The following ZNF676 variants were observed in gnomAD, a reference collection of about 807,000 sequenced individuals.
ZNF676 encodes zinc finger protein 676.
ZNF676 carries 4 observed loss-of-function variants against 6.0 expected under a neutral mutation model. That is an observed-to-expected ratio of 0.67 (90% CI 0.33 to 1.53). ZNF676 has a LOEUF of 1.53. ZNF676 is among the 40% of genes most tolerant of loss of function. The probability of loss-of-function intolerance (pLI) is 0.06; values close to 1 mark genes in which losing one functional copy is unlikely to be tolerated. For synonymous variants in ZNF676, 198 were observed against 223.1 expected (o/e 0.89, Z 1.00); for missense variants, 644 against 679.7 (o/e 0.95, Z 0.58).
chr19:22,235,121 C>A, the ZNF676 span, among the ~76,000 whole-genome samples: 880 of 131,718 alleles, frequency 6.7e-3, 4 homozygotes, highest in African/African-American at 0.021. Context: ...GGCAGGAAGG[C>A]AGGAAGGAAG....
At chr19:22,194,024 G>A (rs1481523780) in intron 1 of ZNF676, among the ~76,000 whole-genome samples, 2 of 152,136 alleles carry the variant, frequency 1.3e-5, no homozygotes, top group Non-Finnish European at 2.9e-5. Flanking sequence ...ATCAGGCTAG[G>A]TAGAATCACA....
At position 22,194,556 on chromosome 19, in the gene ZNF676, G is replaced by T. The variant is rs189946934; in HGVS notation, c.35-1445C>A. On this transcript the variant is annotated intron_variant, in intron 1 of 2. Transcript: ENST00000397121. ...AAAACTGGACATTTCAAAAAGGAAT[G>T]CCACCAGATCTCAGGACAGAAAGGA... is the stretch of plus-strand genomic sequence containing the variant. 2.3e-4 allele frequency among the ~76,000 whole-genome samples: 35 copies of T among 152,244 alleles called. No homozygotes were observed. The East Asian group carries it at 6.6e-3, about 29-fold the overall frequency.
At chr19:22,215,394 G>T (rs2024174144) in intron 1 of ZNF676, among the ~76,000 whole-genome samples, 1 of 152,170 alleles carries the variant, frequency 6.6e-6, no homozygotes, top group African/African-American at 2.4e-5. Context: ...CGCGCTGAGG[G>T]TGCAGAGCTG....
At chr19:22,247,060 G>A in the ZNF676 span, among the ~76,000 whole-genome samples, 1 of 152,146 alleles carries the variant, frequency 6.6e-6, no homozygotes, top group Admixed American at 6.5e-5. Flanking sequence ...ACTATACTGA[G>A]GAGAAAACTG....
chr19:22,208,101 CTAAA>C (rs1316655258), intron 1 of ZNF676, among the ~76,000 whole-genome samples: 1 of 150,958 alleles, frequency 6.6e-6, no homozygotes. Flanking sequence ...CAAATGGGAC[CTAAA>C]TAAACTAATG....
At chr19:22,196,530 T>C (rs1019449360) in intron 1 of ZNF676, 70 bp downstream of exon 1, 311 of 1,611,564 alleles carry the variant, frequency 1.9e-4, no homozygotes, top group Non-Finnish European at 2.5e-4. Context: ...CTTTGTTCAG[T>C]CCAATAAGGT....
chr19:22,202,778 C>A (rs2024038838), intron 1 of ZNF676, among the ~76,000 whole-genome samples: 1 of 152,152 alleles, frequency 6.6e-6, no homozygotes, highest in South Asian at 2.1e-4. Context: ...GAAGGCCATC[C>A]CTGTATGCTA....
chr19:22,214,822 GA>G (rs2024166431), intron 1 of ZNF676, among the ~76,000 whole-genome samples: 1 of 151,514 alleles, frequency 6.6e-6, no homozygotes, highest in Non-Finnish European at 1.5e-5. Flanking sequence ...GGTGGATCAT[GA>G]GGTCAGGAGA....
chr19:22,182,966 CATAA>C (rs1449731970), intron 2 of ZNF676, among the ~76,000 whole-genome samples: 1 of 152,010 alleles, frequency 6.6e-6, no homozygotes, highest in Admixed American at 6.6e-5. Context: ...GAATATACAA[CATAA>C]ATAGATAAAC....
the ZNF676 span, among the ~76,000 whole-genome samples, chr19:22,233,000 A>G: frequency 1.3e-5 from 2 of 152,206 alleles, no homozygotes; most frequent in African/African-American, 4.8e-5. Context: ...AAAAGAAATA[A>G]TGTTAAAGGC....
the ZNF676 span, among the ~76,000 whole-genome samples, chr19:22,246,594 G>A: frequency 6.6e-6 from 1 of 152,176 alleles, no homozygotes; most frequent in Non-Finnish European, 1.5e-5. Flanking sequence ...TCTCTGGTAT[G>A]AGAGAAGAGT....
At chr19:22,238,573 A>G in the ZNF676 span, among the ~76,000 whole-genome samples, 2 of 152,160 alleles carry the variant, frequency 1.3e-5, no homozygotes, top group East Asian at 1.9e-4. Context: ...TCCATCCTTA[A>G]TATTCTGTTC....
At chr19:22,207,067 C>G (rs2024083781) in intron 1 of ZNF676, among the ~76,000 whole-genome samples, 1 of 152,100 alleles carries the variant, frequency 6.6e-6, no homozygotes, top group East Asian at 1.9e-4. Context: ...CTCCTATATT[C>G]AACATAAAAT....
intron 1 of ZNF676, chr19:22,215,519 A>G: frequency 7.8e-7 from 1 of 1,283,102 alleles, no homozygotes; most frequent in Non-Finnish European, 1.1e-6. Flanking sequence ...GAGCTAGGCA[A>G]GGAGAACTTG....
At chr19:22,234,038 G>A in the ZNF676 span, among the ~76,000 whole-genome samples, 3 of 152,204 alleles carry the variant, frequency 2.0e-5, no homozygotes, top group African/African-American at 7.2e-5. Context: ...ATTGGCTAAA[G>A]CCCATGATTC....
chr19:22,223,090 T>G, the ZNF676 span, among the ~76,000 whole-genome samples: 1 of 152,122 alleles, frequency 6.6e-6, no homozygotes, highest in Admixed American at 6.5e-5. Flanking sequence ...GGGCAGAAGC[T>G]CTCCCAGGCT....
chr19:22,204,979 G>C (rs527308328), intron 1 of ZNF676, among the ~76,000 whole-genome samples: 1 of 152,138 alleles, frequency 6.6e-6, no homozygotes, highest in South Asian at 2.1e-4. Context: ...TCACATATGA[G>C]AATAAAGCCT....
intron 1 of ZNF676, among the ~76,000 whole-genome samples, chr19:22,208,250 G>GA (rs545159713): frequency 4.7e-4 from 55 of 117,526 alleles, no homozygotes; most frequent in Admixed American, 6.9e-4. Context: ...AAGTTTACAA[G>GA]AAAAAAAAAA....
At chr19:22,183,916 ATG>A (rs533765428) in intron 2 of ZNF676, among the ~76,000 whole-genome samples, 1 of 152,212 alleles carries the variant, frequency 6.6e-6, no homozygotes, top group Non-Finnish European at 1.5e-5. Flanking sequence ...AAAAATCTGA[ATG>A]TGTGTATGTG....
Sources: gnomAD v4.1 joint callset for allele counts (sites outside exome capture counted in the v4.1 genomes callset) on GRCh38, gnomAD v4.1.1 for gene constraint, MANE v1.5 for transcripts, NCBI Gene and HGNC (gene_info 2026-07-23, HGNC 2026-07-21) for gene names.